The following MIER2 variants were observed in gnomAD, a reference collection of about 807,000 sequenced individuals.
MIER2 encodes the protein MIER family member 2.
A neutral mutation model predicts 67.6 loss-of-function variants in MIER2; 30 were observed. The observed-to-expected ratio is 0.44, with a 90% CI of 0.33 to 0.60. MIER2 has a LOEUF of 0.60. MIER2 is among the 20% of genes least tolerant of loss of function. The pLI is 0.02. For synonymous variants in MIER2, 372 were observed against 312.6 expected (o/e 1.19, Z -2.00); for missense variants, 702 against 745.1 (o/e 0.94, Z 0.67).
chr19:327,647 C>T (rs778120695), intron 4 of MIER2, among the ~76,000 whole-genome samples: 1 of 152,232 alleles, frequency 6.6e-6, no homozygotes, highest in Non-Finnish European at 1.5e-5. Context: ...GCCCCTCCAC[C>T]CACCAAAGCC....
At chr19:338,273 G>C (rs187130212) in intron 1 of MIER2, among the ~76,000 whole-genome samples, 12 of 151,032 alleles carry the variant, frequency 7.9e-5, no homozygotes, top group Admixed American at 7.3e-4. Flanking sequence ...TCAAACTACA[G>C]TGAGTTCAGC....
At chr19:332,527 C>T (rs1186124556) in intron 3 of MIER2, among the ~76,000 whole-genome samples, 3 of 150,536 alleles carry the variant, frequency 2.0e-5, no homozygotes, top group South Asian at 2.1e-4. Context: ...ATCTAGAACT[C>T]CTGACCTCAG....
intron 3 of MIER2, among the ~76,000 whole-genome samples, chr19:331,275 T>C (rs897966103): frequency 6.6e-6 from 1 of 150,698 alleles, no homozygotes; most frequent in Non-Finnish European, 1.5e-5. Flanking sequence ...CGAGAATCAC[T>C]TGAACCCAAG....
intron 3 of MIER2, chr19:334,118 C>G (rs570013371): frequency 1.5e-4 from 50 of 332,712 alleles, no homozygotes; most frequent in Non-Finnish European, 2.3e-4. Context: ...AGCCACTGCA[C>G]CCAGCCTGAA....
At chr19:327,819 C>A in intron 4 of MIER2, 45 bp downstream of exon 4, 1 of 1,606,460 alleles carries the variant, frequency 6.2e-7, no homozygotes, top group Non-Finnish European at 8.5e-7. Context: ...GCCAGGCCCC[C>A]CCACCTTCAG....
chr19:321,293 C>T (rs1273247771), intron 7 of MIER2, among the ~76,000 whole-genome samples: 2 of 152,286 alleles, frequency 1.3e-5, no homozygotes, highest in South Asian at 2.1e-4. Context: ...CAAGAGAGAA[C>T]ACTTCATGGC....
intron 3 of MIER2, among the ~76,000 whole-genome samples, chr19:331,838 G>C (rs148538249): frequency 6.6e-6 from 1 of 150,874 alleles, no homozygotes; most frequent in African/African-American, 2.4e-5. Context: ...AAAATTTGCC[G>C]GGCGTGGTGG....
At chr19:342,211 G>A (rs1972537605) in intron 1 of MIER2, among the ~76,000 whole-genome samples, 1 of 152,166 alleles carries the variant, frequency 6.6e-6, no homozygotes. Flanking sequence ...CCCACTCTGG[G>A]CTCAGCAAGG....
At chr19:317,289 A>T (rs1460371150) in intron 7 of MIER2, among the ~76,000 whole-genome samples, 1 of 152,004 alleles carries the variant, frequency 6.6e-6, no homozygotes. Context: ...GCACTTTGGG[A>T]GGCTGAGGCG....
At position 305,715 on chromosome 19, in the gene MIER2, C is replaced by T. The variant is rs1970619503; in HGVS notation, c.*975G>A. 1 of 152,552 alleles carries T rather than the reference C, an allele frequency of 6.6e-6. No individual in the cohort carries two copies. The highest frequency in any genetic ancestry group is 1.5e-5 in the Non-Finnish European group (1 of 68,098). The allele number at this position is 152,552 out of a possible 1,614,324, so 9.4% of individuals were successfully genotyped here. A position where few individuals can be genotyped will look rare whatever the true frequency, so the allele number is the denominator to read the frequency against. On this transcript the variant is annotated 3_prime_UTR_variant, in exon 14 of 14. Coordinates refer to ENST00000264819, the MANE Select transcript of MIER2 (RefSeq NM_017550.3). ...CTCGAGCACAAGAGGCCGGACGACA[C>T]CCGGGGCAGGGCGCGCCGCCGCCCA...
intron 7 of MIER2, among the ~76,000 whole-genome samples, chr19:314,755 C>T (rs72984438): frequency 0.11 from 16,194 of 151,938 alleles, 1,128 homozygotes; most frequent in African/African-American, 0.19. Context: ...AGAAAAAGAA[C>T]ACCACATACA....
At chr19:336,023 G>C in intron 2 of MIER2, 60 bp downstream of exon 2, 2 of 1,525,582 alleles carry the variant, frequency 1.3e-6, no homozygotes, top group Non-Finnish European at 1.8e-6. Flanking sequence ...CAGGCATTCT[G>C]TCTCTCACAG....
Position 325,947 on chromosome 19 carries a change from G to A in MIER2, c.586-243C>T, listed in dbSNP as rs573606138. ...CTGGCAGAGGCCCAGACAGGATGTC[G>A]GAGGACAAACACTCTGGGTCAGCAG... On this transcript the variant is annotated intron_variant, in intron 6 of 13. Transcript: ENST00000264819. Among the ~76,000 whole-genome samples the A allele has an allele frequency of 5.3e-5, 8 of 152,334 alleles. No homozygotes were observed. The South Asian group carries it at 6.2e-4, about 12-fold the overall frequency.
intron 12 of MIER2, 66 bp from the exon 13 acceptor site, chr19:307,602 C>A: frequency 7.0e-7 from 1 of 1,424,194 alleles, no homozygotes; most frequent in South Asian, 1.6e-5. Flanking sequence ...CAGGCTCCTG[C>A]CTAACTTTGC....
chr19:334,714 A>G (rs1320739738), intron 2 of MIER2, among the ~76,000 whole-genome samples, 172 bp from the exon 3 acceptor site: 1 of 152,190 alleles, frequency 6.6e-6, no homozygotes, highest in Non-Finnish European at 1.5e-5. Flanking sequence ...ACACAGGAGC[A>G]CGGCTGGTGA....
intron 7 of MIER2, among the ~76,000 whole-genome samples, chr19:322,290 A>G (rs1234008041): frequency 6.6e-6 from 1 of 152,228 alleles, no homozygotes; most frequent in Non-Finnish European, 1.5e-5. Flanking sequence ...GAAACGTGGA[A>G]GAATATCTCC....
At chr19:319,858 G>A (rs962455680) in intron 7 of MIER2, among the ~76,000 whole-genome samples, 6 of 152,056 alleles carry the variant, frequency 3.9e-5, no homozygotes, top group Non-Finnish European at 8.8e-5. Flanking sequence ...ACCAGACACG[G>A]ACAAATAAAA....
chr19:341,941 C>T (rs570963439), intron 1 of MIER2, among the ~76,000 whole-genome samples: 1 of 152,244 alleles, frequency 6.6e-6, no homozygotes, highest in South Asian at 2.1e-4. Flanking sequence ...CAGGGCAGCC[C>T]CCACAGGTAT....
chr19:321,170 G>A (rs1385017752), intron 7 of MIER2, among the ~76,000 whole-genome samples: 5 of 152,166 alleles, frequency 3.3e-5, no homozygotes, highest in African/African-American at 7.2e-5. Context: ...GCGCCTGACC[G>A]TAAAGGTGTT....
Sources: gnomAD v4.1 joint callset for allele counts (sites outside exome capture counted in the v4.1 genomes callset) on GRCh38, gnomAD v4.1.1 for gene constraint, MANE v1.5 for transcripts, NCBI Gene and HGNC (gene_info 2026-07-23, HGNC 2026-07-21) for gene names.